Variants in ANO2 observed in about 807,000 individuals in gnomAD.
ANO2 encodes anoctamin-2.
In ANO2, 101 loss-of-function variants were observed where a neutral mutation model predicts 124.2. The ratio of observed to expected loss-of-function variants is 0.81; its 90% CI spans 0.69 to 0.96. The LOEUF is 0.96. Ranked by LOEUF, ANO2 falls within the 40% of genes least tolerant of loss-of-function variation. The probability of loss-of-function intolerance (pLI) is 0.00; values close to 1 mark genes in which losing one functional copy is unlikely to be tolerated. For synonymous variants in ANO2, 486 were observed against 482.5 expected, an observed-to-expected ratio of 1.01 and a Z score of -0.09; for missense variants, 1,293 against 1,274.5, an observed-to-expected ratio of 1.01 and a Z score of -0.22.
chr12:5,914,590 C>G (rs1337922362), intron 3 of ANO2, among the ~76,000 whole-genome samples: 1 of 152,202 alleles, frequency 6.6e-6, no homozygotes, highest in Non-Finnish European at 1.5e-5. Flanking sequence ...CCAGGCCACG[C>G]TGAATTTTAA....
intron 20 of ANO2, chr12:5,584,040 CCA>C (rs1229785528): frequency 3.9e-6 from 1 of 259,636 alleles, no homozygotes; most frequent in Non-Finnish European, 8.3e-6. Context: ...TATGGTTGCA[CCA>C]GATAAAGACT....
At chr12:5,923,282 A>G (rs986460743) in intron 1 of ANO2, among the ~76,000 whole-genome samples, 8 of 149,412 alleles carry the variant, frequency 5.4e-5, no homozygotes, top group South Asian at 2.1e-4. Flanking sequence ...ACACACACGC[A>G]CACACACAGC....
chr12:5,945,376 G>T, upstream of ANO2: 1 of 736,076 alleles, frequency 1.4e-6, no homozygotes, highest in Non-Finnish European at 1.7e-6. Flanking sequence ...CGCCGGCGCC[G>T]CGCAGCCACA....
intron 14 of ANO2, among the ~76,000 whole-genome samples, chr12:5,689,932 T>C (rs1948860338): frequency 6.6e-6 from 1 of 152,204 alleles, no homozygotes; most frequent in Non-Finnish European, 1.5e-5. Context: ...TGCAAGATGC[T>C]GACATAAGAC....
intron 3 of ANO2, among the ~76,000 whole-genome samples, chr12:5,894,638 T>C (rs1289998904): frequency 6.6e-6 from 1 of 152,202 alleles, no homozygotes; most frequent in African/African-American, 2.4e-5. Context: ...TACGTTTAAG[T>C]CTTTAGTCCA....
At position 5,700,259 on chromosome 12, in the gene ANO2, T is replaced by G. The variant is rs530595725; in HGVS notation, c.1545+32261A>C. On this transcript the variant is annotated intron_variant, in intron 14 of 24. Transcript: ENST00000682330. ...AACTGTCTCTCAGACCACAGTGCAA[T>G]CAAACTAGAACTCAGGATTAAGAAA... is the stretch of plus-strand genomic sequence containing the variant. Among the ~76,000 whole-genome samples the G allele has an allele frequency of 3.1e-4, 47 of 152,312 alleles. 1 individual carries two copies. The South Asian group carries it at 9.8e-3, about 32-fold the overall frequency.
chr12:5,849,563 C>A (rs1954802762), intron 4 of ANO2, among the ~76,000 whole-genome samples: 1 of 152,354 alleles, frequency 6.6e-6, no homozygotes, highest in South Asian at 2.1e-4. Context: ...GTGTCCCTCA[C>A]AAAATGCTGG....
At chr12:5,602,814 T>C (rs1944008352) in intron 19 of ANO2, among the ~76,000 whole-genome samples, 1 of 152,052 alleles carries the variant, frequency 6.6e-6, no homozygotes. Context: ...TAATTGGGAA[T>C]CAAAAATAGG....
At chr12:5,641,113 C>T (rs1280172285) in intron 15 of ANO2, among the ~76,000 whole-genome samples, 1 of 151,766 alleles carries the variant, frequency 6.6e-6, no homozygotes, top group Non-Finnish European at 1.5e-5. Context: ...TCTGAGCAAA[C>T]TATCACAAGG....
At chr12:5,618,912 G>C (rs982590509) in intron 16 of ANO2, among the ~76,000 whole-genome samples, 1 of 152,236 alleles carries the variant, frequency 6.6e-6, no homozygotes, top group Non-Finnish European at 1.5e-5. Context: ...GAGTCTTAGG[G>C]AAAGGCTGCA....
At chr12:5,590,482 T>A (rs1452163921) in intron 20 of ANO2, among the ~76,000 whole-genome samples, 1 of 152,206 alleles carries the variant, frequency 6.6e-6, no homozygotes, top group Non-Finnish European at 1.5e-5. Flanking sequence ...GTCAAGGGTA[T>A]GAAGCCTGCA....
At chr12:5,819,735 G>A (rs1843903840) in intron 7 of ANO2, among the ~76,000 whole-genome samples, 1 of 152,156 alleles carries the variant, frequency 6.6e-6, no homozygotes, top group African/African-American at 2.4e-5. Flanking sequence ...CATCTTTGAA[G>A]GGCCCTATAA....
chr12:5,742,808 T>G (rs997914715), intron 12 of ANO2, among the ~76,000 whole-genome samples: 2 of 152,142 alleles, frequency 1.3e-5, no homozygotes, highest in Non-Finnish European at 2.9e-5. Context: ...ATGCTCCTGT[T>G]TGATAAGGAG....
At chr12:5,770,135 A>G (rs1389172515) in intron 10 of ANO2, among the ~76,000 whole-genome samples, 2 of 152,264 alleles carry the variant, frequency 1.3e-5, no homozygotes, top group East Asian at 3.8e-4. Flanking sequence ...CTACTAGGCC[A>G]CATGACAGAA....
chr12:5,573,375 C>A (rs930688830), intron 23 of ANO2, among the ~76,000 whole-genome samples: 1 of 152,188 alleles, frequency 6.6e-6, no homozygotes, highest in Admixed American at 6.5e-5. Context: ...AAGAAACAGA[C>A]GATGTGAGCC....
At chr12:5,740,696 C>T (rs1951064813) in intron 12 of ANO2, among the ~76,000 whole-genome samples, 1 of 152,126 alleles carries the variant, frequency 6.6e-6, no homozygotes, top group African/African-American at 2.4e-5. Context: ...GGCATTTGGG[C>T]ATTGAAGGAG....
chr12:5,884,204 C>G (rs914204168), intron 3 of ANO2, among the ~76,000 whole-genome samples: 2 of 152,184 alleles, frequency 1.3e-5, no homozygotes, highest in Non-Finnish European at 2.9e-5. Flanking sequence ...CCACTGTGGG[C>G]AGTGATTCTA....
At chr12:5,853,989 T>C (rs1955008596) in intron 4 of ANO2, 54 bp downstream of exon 4, 1 of 1,462,278 alleles carries the variant, frequency 6.8e-7, no homozygotes. Flanking sequence ...CCCAAATTAT[T>C]TGCATCCATC....
intron 14 of ANO2, among the ~76,000 whole-genome samples, chr12:5,659,422 C>A (rs1050019228): frequency 6.6e-6 from 1 of 152,130 alleles, no homozygotes; most frequent in African/African-American, 2.4e-5. Flanking sequence ...CCAGGTCCCA[C>A]CCCTCAGCCC....
Sources: allele counts gnomAD v4.1 joint callset (sites outside exome capture counted in the v4.1 genomes callset), GRCh38; gene constraint gnomAD v4.1.1; transcripts MANE v1.5; gene names NCBI Gene and HGNC (gene_info 2026-07-23, HGNC 2026-07-21).